Variants in CNKSR2 observed in about 807,000 individuals in gnomAD.
The protein encoded by CNKSR2 is CNK homolog protein 2.
In CNKSR2, 14 loss-of-function variants were observed where a neutral mutation model predicts 84.4. The observed-to-expected ratio is 0.17, with a 90% confidence interval of 0.11 to 0.26. The LOEUF (loss-of-function observed/expected upper bound fraction) is 0.26, where lower values mean the gene tolerates loss of function less well. CNKSR2 is among the 10% of genes least tolerant of loss of function. The pLI is 1.00. For missense variants in CNKSR2, 485 were observed against 771.2 expected (o/e 0.63, Z 4.40); for synonymous variants, 275 against 277.9 (o/e 0.99, Z 0.10).
intron 20 of CNKSR2, chrX:21,645,790 A>G (rs888004241): frequency 1.8e-5 from 2 of 111,832 alleles, no homozygotes; most frequent in African/African-American, 6.5e-5. Context: ...AGAGAAGAAA[A>G]TAAAGGTGCT....
At chrX:21,430,211 A>C (rs2090617596) in intron 2 of CNKSR2, among the ~76,000 whole-genome samples, 1 of 111,307 alleles carries the variant, frequency 9.0e-6, no homozygotes, top group Admixed American at 9.6e-5. Context: ...GGAGGTTTCC[A>C]AGTTAGAACC....
At chrX:21,607,719 G>A (rs1019257998) in intron 19 of CNKSR2, among the ~76,000 whole-genome samples, 12 of 110,622 alleles carry the variant, frequency 1.1e-4, no homozygotes, top group East Asian at 5.7e-4. Flanking sequence ...CACAAGAATC[G>A]CTTGAACTTG....
At chrX:21,622,431 C>T (rs2092605781) in intron 20 of CNKSR2, among the ~76,000 whole-genome samples, 1 of 110,890 alleles carries the variant, frequency 9.0e-6, no homozygotes, top group Non-Finnish European at 1.9e-5. Flanking sequence ...ATCTCCTTTC[C>T]CTCCCTCATT....
chrX:21,616,286 T>G (rs1214843865), intron 20 of CNKSR2, among the ~76,000 whole-genome samples: 2 of 111,802 alleles, frequency 1.8e-5, no homozygotes, highest in Non-Finnish European at 3.8e-5. Flanking sequence ...AGCAGGGATT[T>G]TATTCCTGTC....
chrX:21,544,714 G>A (rs1362582685), intron 11 of CNKSR2, among the ~76,000 whole-genome samples: 2 of 111,420 alleles, frequency 1.8e-5, no homozygotes, highest in Admixed American at 1.9e-4. Context: ...GGACTGGTTA[G>A]ACAGTGGGTA....
intron 1 of CNKSR2, among the ~76,000 whole-genome samples, chrX:21,417,441 G>A (rs1320739374): frequency 9.0e-6 from 1 of 111,722 alleles, no homozygotes; most frequent in Non-Finnish European, 1.9e-5. Flanking sequence ...TTGTTCTATA[G>A]TGTAGATAAA....
At chrX:21,637,226 A>G (rs2092676301) in intron 20 of CNKSR2, 1 of 111,787 alleles carries the variant, frequency 8.9e-6, no homozygotes, top group African/African-American at 3.2e-5. Flanking sequence ...AAGATGAAAT[A>G]CTACTTTCAT....
chrX:21,599,476 G>A (rs1227048794), intron 17 of CNKSR2, among the ~76,000 whole-genome samples: 1 of 108,254 alleles, frequency 9.2e-6, no homozygotes, highest in Non-Finnish European at 1.9e-5. Context: ...AGCAATTCTC[G>A]TGCCTCAGCC....
At chrX:21,636,575 G>A (rs1274976352) in intron 20 of CNKSR2, among the ~76,000 whole-genome samples, 1 of 111,375 alleles carries the variant, frequency 9.0e-6, no homozygotes, top group African/African-American at 3.3e-5. Context: ...TCTCATTGGA[G>A]TTTAATGTGA....
At chrX:21,532,693 G>A (rs1180922114) in intron 11 of CNKSR2, among the ~76,000 whole-genome samples, 1 of 111,608 alleles carries the variant, frequency 9.0e-6, no homozygotes, top group African/African-American at 3.2e-5. Flanking sequence ...ACTTAAAATT[G>A]TTATAGTATA....
chrX:21,586,632 T>A (rs2092390295), intron 13 of CNKSR2, among the ~76,000 whole-genome samples: 1 of 111,589 alleles, frequency 9.0e-6, no homozygotes, highest in Admixed American at 9.5e-5. Flanking sequence ...CTTCACTAAA[T>A]GCAAATTACA....
chrX:21,435,164 G>A (rs1300309501), intron 3 of CNKSR2, among the ~76,000 whole-genome samples: 1 of 108,798 alleles, frequency 9.2e-6, no homozygotes, highest in Non-Finnish European at 1.9e-5. Flanking sequence ...TTTCTGTTTT[G>A]GGCCTCAGTA....
intron 20 of CNKSR2, among the ~76,000 whole-genome samples, chrX:21,619,618 AT>A (rs763417824): frequency 1.1e-4 from 12 of 109,287 alleles, no homozygotes; most frequent in African/African-American, 3.0e-4. Context: ...TTTCGTTATA[AT>A]TTTTTTTTAA....
At chrX:21,487,839 C>T (rs768153322) in intron 5 of CNKSR2, among the ~76,000 whole-genome samples, 2 of 111,937 alleles carry the variant, frequency 1.8e-5, no homozygotes, top group South Asian at 3.7e-4. Flanking sequence ...CAGGATGGGC[C>T]ACATAATTTG....
chrX:21,601,439 A>G, intron 18 of CNKSR2, 90 bp downstream of exon 18: 1 of 550,225 alleles, frequency 1.8e-6, no homozygotes, highest in Non-Finnish European at 2.8e-6. Flanking sequence ...CTTGAGAGAA[A>G]ATACATGTCA....
intron 12 of CNKSR2, among the ~76,000 whole-genome samples, chrX:21,561,781 G>C (rs1199586358): frequency 9.0e-6 from 1 of 110,759 alleles, no homozygotes; most frequent in African/African-American, 3.3e-5. Flanking sequence ...ACATAAGTAT[G>C]GTGTTAAAAG....
intron 3 of CNKSR2, among the ~76,000 whole-genome samples, 194 bp from the exon 4 acceptor site, chrX:21,440,500 A>G (rs746626268): frequency 8.9e-6 from 1 of 111,843 alleles, no homozygotes; most frequent in Admixed American, 9.5e-5. Context: ...CAAACATTAT[A>G]TTTCCTGAAT....
chrX:21,449,552 A>G (rs904350717), intron 4 of CNKSR2, among the ~76,000 whole-genome samples: 1 of 110,856 alleles, frequency 9.0e-6, no homozygotes, highest in African/African-American at 3.3e-5. Flanking sequence ...CTATTGGTGC[A>G]GAGTTGTATT....
intron 20 of CNKSR2, among the ~76,000 whole-genome samples, chrX:21,636,810 T>G (rs2092674271): frequency 1.8e-5 from 2 of 110,808 alleles, no homozygotes; most frequent in African/African-American, 6.5e-5. Flanking sequence ...TATATATATA[T>G]ATACACCCAT....
Sources: gnomAD v4.1 joint callset for allele counts (sites outside exome capture counted in the v4.1 genomes callset) on GRCh38, gnomAD v4.1.1 for gene constraint, MANE v1.5 for transcripts, NCBI Gene and HGNC (gene_info 2026-07-23, HGNC 2026-07-21) for gene names.